Variants in ARL15 observed in about 807,000 individuals in gnomAD.
The protein encoded by ARL15 is ARF like GTPase 15, also known as ADP-ribosylation factor-like protein 15.
Under a neutral mutation model 25.2 loss-of-function variants are expected in ARL15, and 19 were observed. The ratio of observed to expected loss-of-function variants is 0.75; its 90% CI spans 0.53 to 1.10. The LOEUF is 1.10. ARL15 is among the 50% of genes least tolerant of loss of function. The probability of loss-of-function intolerance (pLI) is 0.00; values close to 1 mark genes in which losing one functional copy is unlikely to be tolerated. For synonymous variants in ARL15, 94 were observed against 86.8 expected (o/e 1.08, Z -0.46); for missense variants, 220 against 246.0 (o/e 0.89, Z 0.71).
intron 4 of ARL15, among the ~76,000 whole-genome samples, chr5:54,060,346 T>C (rs1291212003): frequency 3.9e-5 from 6 of 152,090 alleles, no homozygotes; most frequent in African/African-American, 1.4e-4. Flanking sequence ...GGAGAATTGC[T>C]TGAAGCGGGA....
chr5:54,282,711 T>A (rs2112671224), intron 1 of ARL15, among the ~76,000 whole-genome samples: 1 of 152,346 alleles, frequency 6.6e-6, no homozygotes, highest in East Asian at 1.9e-4. Flanking sequence ...TCAATTCTTA[T>A]TAGATCATAA....
At chr5:54,079,770 G>C (rs1751728883) in intron 4 of ARL15, among the ~76,000 whole-genome samples, 1 of 152,118 alleles carries the variant, frequency 6.6e-6, no homozygotes, top group African/African-American at 2.4e-5. Flanking sequence ...AGGAGTTCCA[G>C]ACCAGCCTGG....
At chr5:54,083,751 T>C (rs1232737089) in intron 4 of ARL15, among the ~76,000 whole-genome samples, 1 of 152,176 alleles carries the variant, frequency 6.6e-6, no homozygotes, top group Non-Finnish European at 1.5e-5. Context: ...TACATGACTA[T>C]AATAATGTAG....
intron 1 of ARL15, among the ~76,000 whole-genome samples, chr5:54,233,390 C>A (rs1172585357): frequency 6.6e-6 from 1 of 152,134 alleles, no homozygotes; most frequent in Non-Finnish European, 1.5e-5. Context: ...TCAAGGAAAA[C>A]AACTGTTAGT....
chr5:54,020,882 G>C (rs921576732), intron 4 of ARL15, among the ~76,000 whole-genome samples: 2 of 152,062 alleles, frequency 1.3e-5, no homozygotes, highest in African/African-American at 4.8e-5. Context: ...TTGAATCCAG[G>C]AGGCAGAGGT....
chr5:54,207,922 A>G (rs1267257074), intron 1 of ARL15, among the ~76,000 whole-genome samples: 2 of 152,200 alleles, frequency 1.3e-5, no homozygotes, highest in Non-Finnish European at 2.9e-5. Context: ...TACACCTTTT[A>G]TTTTCTGTAC....
intron 4 of ARL15, among the ~76,000 whole-genome samples, chr5:53,943,940 A>T (rs1233790088): frequency 1.3e-5 from 2 of 152,182 alleles, no homozygotes; most frequent in African/African-American, 4.8e-5. Flanking sequence ...AAGGAAATGG[A>T]ATTTTTAATT....
At chr5:54,102,198 G>A (rs1286424235) in intron 4 of ARL15, among the ~76,000 whole-genome samples, 1 of 151,956 alleles carries the variant, frequency 6.6e-6, no homozygotes, top group Non-Finnish European at 1.5e-5. Context: ...TTTTAGTAGA[G>A]AATGGGTTTC....
intron 4 of ARL15, among the ~76,000 whole-genome samples, chr5:54,041,971 TTTG>T (rs1183821836): frequency 6.6e-6 from 1 of 151,414 alleles, no homozygotes; most frequent in Admixed American, 6.6e-5. Flanking sequence ...TGTTTTCGTT[TTTG>T]TTTTTTTTTT....
intron 1 of ARL15, 45 bp downstream of exon 1, chr5:54,310,387 C>G (rs1033865230): frequency 1.3e-6 from 2 of 1,588,710 alleles, no homozygotes; most frequent in Non-Finnish European, 1.7e-6. Context: ...CCATCGGGCA[C>G]GCCGAGATCC....
chr5:53,895,511 T>G (rs912056852), intron 4 of ARL15, among the ~76,000 whole-genome samples: 1 of 152,238 alleles, frequency 6.6e-6, no homozygotes, highest in Non-Finnish European at 1.5e-5. Context: ...AAGTGGTCAG[T>G]GACCTGTCAG....
rs112501841 is a variant in ARL15, at chr5:54,261,873, T to A, written c.48+48559A>T. 5.3e-3 allele frequency among the ~76,000 whole-genome samples: 803 copies of A among 152,274 alleles called. 8 individuals are homozygous for A. Among genetic ancestry groups the A allele is most frequent in the African/African-American group, 0.018 (756 of 41,536 alleles). On this transcript the variant is annotated intron_variant, in intron 1 of 4. Transcript: ENST00000504924. ...GACAGGCTGGTAACCTTGGTTCTCA[T>A]CAAATTGAAGTTTCACATTAATGTG...
At chr5:53,929,577 T>C (rs1365159268) in intron 4 of ARL15, among the ~76,000 whole-genome samples, 3 of 152,264 alleles carry the variant, frequency 2.0e-5, no homozygotes, top group Admixed American at 2.0e-4. Flanking sequence ...TCTGCTATTG[T>C]GCAACATCAA....
chr5:54,286,583 T>C (rs1489540674), intron 1 of ARL15, among the ~76,000 whole-genome samples: 3 of 152,182 alleles, frequency 2.0e-5, no homozygotes, highest in African/African-American at 7.2e-5. Context: ...ATATCAGAAG[T>C]TACAGATTTC....
At chr5:54,276,252 T>A (rs895021909) in intron 1 of ARL15, among the ~76,000 whole-genome samples, 3 of 152,202 alleles carry the variant, frequency 2.0e-5, no homozygotes, top group African/African-American at 7.2e-5. Context: ...TGCAGACATC[T>A]CAGCATCCCA....
intron 1 of ARL15, among the ~76,000 whole-genome samples, chr5:54,240,905 C>G (rs949649748): frequency 6.6e-6 from 1 of 152,154 alleles, no homozygotes; most frequent in Non-Finnish European, 1.5e-5. Context: ...GTTAAAGTAT[C>G]TGCAAAAATC....
chr5:54,213,668 AT>A (rs759661196), intron 1 of ARL15, among the ~76,000 whole-genome samples: 3 of 152,230 alleles, frequency 2.0e-5, no homozygotes, highest in Non-Finnish European at 2.9e-5. Context: ...ATGTTCCCAT[AT>A]TTTTTTGAGA....
chr5:54,221,858 CACACACACACACAA>C (rs1395037461), intron 1 of ARL15, among the ~76,000 whole-genome samples: 1 of 150,098 alleles, frequency 6.7e-6, no homozygotes, highest in Non-Finnish European at 1.5e-5. Flanking sequence ...CACACACACA[CACACACACACACAA>C]AACCCTCATG....
intron 4 of ARL15, among the ~76,000 whole-genome samples, chr5:54,029,754 G>T (rs1749915055): frequency 6.6e-6 from 1 of 152,140 alleles, no homozygotes; most frequent in Non-Finnish European, 1.5e-5. Flanking sequence ...AGCACTTCGG[G>T]AGGCTGAGGC....
Sources: allele counts gnomAD v4.1 joint callset (sites outside exome capture counted in the v4.1 genomes callset), GRCh38; gene constraint gnomAD v4.1.1; transcripts MANE v1.5; gene names NCBI Gene and HGNC (gene_info 2026-07-23, HGNC 2026-07-21).